PLA2G4C: variants seen among roughly 807,000 people sequenced by gnomAD.
The protein encoded by PLA2G4C is phospholipase A2 group IVC, also known as cytosolic phospholipase A2 gamma.
Under a neutral mutation model 73.8 loss-of-function variants are expected in PLA2G4C, and 64 were observed. The ratio of observed to expected loss-of-function variants is 0.87; its 90% CI spans 0.71 to 1.07. The LOEUF (loss-of-function observed/expected upper bound fraction) is 1.07, where lower values mean the gene tolerates loss of function less well. Ranked by LOEUF, PLA2G4C falls within the 50% of genes least tolerant of loss-of-function variation. PLA2G4C has a pLI of 0.00. For synonymous variants in PLA2G4C, 254 were observed against 252.1 expected (o/e 1.01, Z -0.07); for missense variants, 622 against 665.4 (o/e 0.93, Z 0.72).
rs1968681328 is a variant in PLA2G4C at position 48,072,064 on chromosome 19, T to C, written c.1006+2703A>G. ...GGGAGGCTGAGGCAGGAGAATCGCTTGAACCCGGGAGGCAGAGGTTGCAGT... is the reference window on the plus strand; with the variant it reads ...GGGAGGCTGAGGCAGGAGAATCGCTCGAACCCGGGAGGCAGAGGTTGCAGT... On this transcript the variant is annotated intron_variant, in intron 12 of 16. Transcript: ENST00000599921. This position sits in a 1 kb window ranked among gnomAD's most constrained non-coding sequence, Gnocchi z 4.4. Among the ~76,000 whole-genome samples the C allele has an allele frequency of 6.6e-6, 1 of 151,938 alleles. No homozygotes were observed. Among genetic ancestry groups the C allele is most frequent in the Non-Finnish European group, 1.5e-5 (1 of 67,990 alleles).
At position 48,109,658 on chromosome 19, in the gene PLA2G4C, A is replaced by AT. The variant is rs113371242; in HGVS notation, c.-33+828dup. 4.3e-3 allele frequency among the ~76,000 whole-genome samples: 631 copies of AT among 147,680 alleles called. 3 individuals are homozygous for AT. Among genetic ancestry groups the AT allele is most frequent in the Non-Finnish European group, 6.1e-3 (409 of 66,610 alleles). On this transcript the variant is annotated intron_variant, in intron 1 of 16. Coordinates refer to ENST00000599921, the MANE Select transcript of PLA2G4C (RefSeq NM_003706.3). ...TGGTTTGATTGGTTTATTTTATTTT[A>AT]TTTTTTTTTGAGATGGAGTCTCGCT...
chr19:48,055,389 G>GTATATATATATATATATATATATA lies in PLA2G4C; in HGVS notation c.1258-341_1258-340insTATATATATATATATATATATATA, dbSNP rs4002927. Among the ~76,000 whole-genome samples the GTATATATATATATATATATATATA allele has an allele frequency of 2.4e-3, 315 of 132,530 alleles. 8 individuals are homozygous for GTATATATATATATATATATATATA. The highest frequency in any genetic ancestry group is 8.8e-3 in the African/African-American group (274 of 31,038). The allele number at this position is 132,530 out of a possible 152,430, so 86.9% of individuals were successfully genotyped here. A position where few individuals can be genotyped will look rare whatever the true frequency, so the allele number is the denominator to read the frequency against. On this transcript the variant is annotated intron_variant, in intron 14 of 16. Coordinates refer to ENST00000599921, the MANE Select transcript of PLA2G4C (RefSeq NM_003706.3). ...AGATGTTGGAGACCTCATCTCTACA[G>GTATATATATATATATATATATATA]TATATATATATATATATATATTTCA...
At chr19:48,093,244 G>A (rs1302952445) in intron 7 of PLA2G4C, among the ~76,000 whole-genome samples, 2 of 152,108 alleles carry the variant, frequency 1.3e-5, no homozygotes, top group African/African-American at 4.8e-5. Context: ...GGTTGCAGAA[G>A]CTGGAACCTT....
rs1438475470 is a variant in PLA2G4C, at chr19:48,107,712, A to ATC, written c.-32-1153_-32-1152dup. On this transcript the variant is annotated intron_variant, in intron 1 of 16. Coordinates refer to ENST00000599921, the MANE Select transcript of PLA2G4C (RefSeq NM_003706.3). Reference sequence around the variant, plus strand: ...CCCGCAGTTATCCAGAGGCCTGACCATCTCCCTGTGATGCTGTGCTTCAGT... The same window carrying ATC: ...CCCGCAGTTATCCAGAGGCCTGACCATCTCTCCCTGTGATGCTGTGCTTCAGT... Among the ~76,000 whole-genome samples, 2 of 152,158 alleles carry ATC rather than the reference A, an allele frequency of 1.3e-5. 1 individual carries two copies. Among genetic ancestry groups the ATC allele is most frequent in the Admixed American group, 1.3e-4 (2 of 15,280 alleles).
intron 10 of PLA2G4C, among the ~76,000 whole-genome samples, chr19:48,081,048 C>G (rs1321753857): frequency 6.6e-6 from 1 of 150,804 alleles, no homozygotes; most frequent in Non-Finnish European, 1.5e-5. Flanking sequence ...GCCTGTAGTC[C>G]CAGCTACTCA....
chr19:48,109,594 G>T (rs1024959222), intron 1 of PLA2G4C, among the ~76,000 whole-genome samples: 1 of 152,088 alleles, frequency 6.6e-6, no homozygotes, highest in Non-Finnish European at 1.5e-5. Flanking sequence ...TTAAAGGGGT[G>T]ACTAAGTTAA....
chr19:48,066,336 T>C (rs1455094158), intron 13 of PLA2G4C, among the ~76,000 whole-genome samples: 6 of 152,094 alleles, frequency 3.9e-5, no homozygotes. Flanking sequence ...AGCGACTTCA[T>C]CCAACCCCTT....
chr19:48,105,892 TCCCTCCCTCCCTCCCTCCC>T (rs2032177791), intron 2 of PLA2G4C, among the ~76,000 whole-genome samples: 1 of 856 alleles, frequency 1.2e-3, no homozygotes, highest in Non-Finnish European at 2.1e-3. Flanking sequence ...CTTCTTTCCC[TCCCTCCCTCCCTCCCTCCC>T]TCCCTCCCTC....
At chr19:48,048,526 T>G (rs951372029) in intron 16 of PLA2G4C, 138 bp from the exon 17 acceptor site, 2 of 554,088 alleles carry the variant, frequency 3.6e-6, no homozygotes, top group Non-Finnish European at 6.2e-6. Context: ...CTTTCATTCA[T>G]TGAGAAGACC....
At position 48,074,830 on chromosome 19, in the gene PLA2G4C, C is replaced by A. The variant is rs747990436; in HGVS notation, c.943G>T (p.Glu315Ter). ...TCCAGGGAGGTCCTGGTCCAATTCT[C>A]GAGCATCTCAGTCAGCCAGGTGTGT... Reference protein sequence around the residue: ...PEHTWLTEMLENWTRTSLEKQ... With the variant: ...PEHTWLTEML Residue 315 changes from glutamate (E) to a stop codon, truncating the protein, a stop_gained, in exon 12 of 17, where the codon GAG becomes TAG. Transcript: ENST00000599921. LOFTEE classifies it high-confidence loss of function. 7.4e-6 allele frequency: 12 copies of A among 1,612,916 alleles called. No individual in the cohort carries two copies. The highest frequency in any genetic ancestry group is 8.5e-6 in the Non-Finnish European group (10 of 1,179,380).
chr19:48,089,415 T>C (rs2031169486), intron 8 of PLA2G4C, among the ~76,000 whole-genome samples: 1 of 152,024 alleles, frequency 6.6e-6, no homozygotes, highest in African/African-American at 2.4e-5. Context: ...AAACTCTGTC[T>C]CAAAAAAACA....
At position 48,077,762 on chromosome 19, in the gene PLA2G4C, G is replaced by T; in HGVS notation, c.898+9C>A. ...TCATTAGGGATTCATGGCAAAGTAG[G>T]ATGCTTACCTTCTGGGGGAGGATGT... On this transcript the variant is annotated intron_variant, in intron 11 of 16. Transcript: ENST00000599921. 1 of 1,600,596 alleles carries T rather than the reference G, an allele frequency of 6.2e-7. No individual in the cohort carries two copies.
intron 10 of PLA2G4C, among the ~76,000 whole-genome samples, chr19:48,082,766 T>G (rs2030674303): frequency 6.6e-6 from 1 of 151,642 alleles, no homozygotes; most frequent in Non-Finnish European, 1.5e-5. Flanking sequence ...CCCAAAGTGC[T>G]GGGATTACAG....
At chr19:48,080,115 C>A (rs1165021489) in intron 10 of PLA2G4C, among the ~76,000 whole-genome samples, 5 of 112,242 alleles carry the variant, frequency 4.5e-5, no homozygotes, top group African/African-American at 1.7e-4. Context: ...CTATAAGGAA[C>A]TCAAAGAAAT....
chr19:48,067,448 A>G (rs1002994522), intron 13 of PLA2G4C, among the ~76,000 whole-genome samples: 16 of 152,152 alleles, frequency 1.1e-4, no homozygotes, highest in Non-Finnish European at 1.5e-4. Flanking sequence ...GATTACAGGC[A>G]TGAGCCACTG....
At chr19:48,073,091 G>A (rs1431856566) in intron 12 of PLA2G4C, 3 of 152,274 alleles carry the variant, frequency 2.0e-5, no homozygotes, top group African/African-American at 7.2e-5. Flanking sequence ...TGTCACCCAG[G>A]CTGGAATGCA....
intron 1 of PLA2G4C, among the ~76,000 whole-genome samples, chr19:48,109,834 T>C (rs1015833745): frequency 6.6e-6 from 1 of 151,472 alleles, no homozygotes; most frequent in Non-Finnish European, 1.5e-5. Context: ...TATTTTTAGT[T>C]GAGACGGGGT....
At position 48,099,889 on chromosome 19, in the gene PLA2G4C, G is replaced by A. The variant is rs11564530; in HGVS notation, c.258-29C>T. On this transcript the variant is annotated intron_variant, in intron 4 of 16. Transcript: ENST00000599921. ...GAGGACAGAGGAAGAGAGTGAGTTG[G>A]GCATTTTAAGTGTGGACGATGAAGA... The A allele has an allele frequency of 7.6e-3, 11,569 of 1,523,630 alleles. 49 individuals carry two copies. Among genetic ancestry groups the A allele is most frequent in the Non-Finnish European group, 9.2e-3 (10,193 of 1,103,540 alleles). 94.4% of individuals were successfully genotyped at this position (1,523,630 alleles called of 1,614,324 possible).
intron 8 of PLA2G4C, 147 bp downstream of exon 8, chr19:48,090,217 C>T (rs1294035528): frequency 4.5e-6 from 3 of 670,142 alleles, no homozygotes; most frequent in Non-Finnish European, 5.4e-6. Flanking sequence ...CCTGGCTGCC[C>T]AATTATATGA....
Sources: gnomAD v4.1 joint callset for allele counts (sites outside exome capture counted in the v4.1 genomes callset) on GRCh38, gnomAD v4.1.1 for gene constraint, Gnocchi (gnomAD v3.1) non-coding constraint, MANE v1.5 for transcripts, NCBI Gene and HGNC (gene_info 2026-07-23, HGNC 2026-07-21) for gene names.